Variants in SLC34A1 observed in about 807,000 individuals in gnomAD.
The protein encoded by SLC34A1 is sodium-dependent phosphate transport protein 2A.
Under a neutral mutation model 51.4 loss-of-function variants are expected in SLC34A1, and 57 were observed. The ratio of observed to expected loss-of-function variants is 1.11; its 90% CI spans 0.90 to 1.38. The LOEUF (loss-of-function observed/expected upper bound fraction) is 1.38. SLC34A1 is among the 40% of genes most tolerant of loss of function. The probability of loss-of-function intolerance (pLI) is 0.00; values close to 1 mark genes in which losing one functional copy is unlikely to be tolerated. For missense variants in SLC34A1, 796 were observed against 835.6 expected (o/e 0.95, Z 0.58); for synonymous variants, 368 against 358.0 (o/e 1.03, Z -0.32).
intron 1 of SLC34A1, 23 bp from the exon 2 acceptor site, chr5:177,385,672 C>G: frequency 8.7e-7 from 1 of 1,148,080 alleles, no homozygotes; most frequent in Non-Finnish European, 1.3e-6. Flanking sequence ...ATGAGTGTCC[C>G]GGACACAGCT....
chr5:177,389,184 G>A (rs1190860449), intron 8 of SLC34A1, among the ~76,000 whole-genome samples: 2 of 152,120 alleles, frequency 1.3e-5, no homozygotes, highest in Non-Finnish European at 2.9e-5. Flanking sequence ...GAGGAAGCAG[G>A]CAATTAGCAC....
chr5:177,387,255 C>T (rs1001009549), intron 5 of SLC34A1, among the ~76,000 whole-genome samples: 6 of 151,912 alleles, frequency 3.9e-5, no homozygotes, highest in Admixed American at 2.0e-4. Context: ...ATTAGCCAGG[C>T]GTGGTGGCAG....
At position 177,388,345 on chromosome 5, in the gene SLC34A1, G is replaced by A. The variant is rs768061577; in HGVS notation, c.909G>A (p.Gln303=). The A allele has an allele frequency of 2.3e-5, 37 of 1,614,166 alleles. No individual in the cohort carries two copies. Among genetic ancestry groups the A allele is most frequent in the Non-Finnish European group, 3.1e-5 (37 of 1,180,036 alleles). ...DESLRNHSLI[Q]IWCHPDSLQA... ...CCCTGAGGAACCACAGTCTCATCCA[G>A]ATCTGGTGCCACCCAGACTCCTTAC... The change falls in exon 8 of 13, where the codon CAG becomes CAA. Residue 303 remains glutamine, a synonymous_variant. Transcript: ENST00000324417. The surrounding 1 kb of genome is among the most constrained non-coding windows in gnomAD (Gnocchi z 4.3).
chr5:177,386,091 G>A lies in SLC34A1; in HGVS notation c.214G>A (p.Glu72Lys). The change falls in exon 3 of 13, where the codon GAA (glutamate) becomes AAA (lysine). Residue 72 changes from glutamate to lysine, a missense_variant. By Grantham distance (56) the Glu-to-Lys change is moderately conservative. Coordinates refer to ENST00000324417, the MANE Select transcript of SLC34A1 (RefSeq NM_003052.5). This position sits in a 1 kb window ranked among gnomAD's most constrained non-coding sequence, Gnocchi z 4.8. Reference sequence around the variant, plus strand: ...CTGTGGGGAGGTCCTGGAGCGCCATGAACCACTGCCTGCCAAGCTGGCCCT... The same window carrying A: ...CTGTGGGGAGGTCCTGGAGCGCCATAAACCACTGCCTGCCAAGCTGGCCCT... Reference protein sequence around the residue: ...CPCGEVLERHEPLPAKLALEE... With the variant: ...CPCGEVLERHKPLPAKLALEE... The A allele has an allele frequency of 1.2e-6, 2 of 1,613,224 alleles. No individual in the cohort carries two copies. Among genetic ancestry groups the A allele is most frequent in the Non-Finnish European group, 1.7e-6 (2 of 1,179,542 alleles).
chr5:177,395,332 T>G (rs1454089085), intron 10 of SLC34A1, among the ~76,000 whole-genome samples: 1 of 152,144 alleles, frequency 6.6e-6, no homozygotes, highest in Non-Finnish European at 1.5e-5. Flanking sequence ...GGCCGCTCAG[T>G]GCAGTTGGCA....
In SLC34A1 at chr5:177,388,160, A is replaced by G. The variant is rs1371612669; in HGVS notation, c.811A>G (p.Thr271Ala). 2 of 1,614,148 alleles carry G rather than the reference A, an allele frequency of 1.2e-6. No homozygotes were observed. The change falls in exon 7 of 13, where the codon ACA (threonine) becomes GCA (alanine). Residue 271 changes from threonine (T) to alanine (A), a missense_variant. Transcript: ENST00000324417. This position sits in a 1 kb window ranked among gnomAD's most constrained non-coding sequence, Gnocchi z 4.3. The stretch of plus-strand genomic sequence containing the variant: ...TGCTCCTGACCTGCTCAAGATCATC[A>G]CAGAGCCCTTCACGAAGCTCATCAT... Reference protein sequence around the residue: ...RDAPDLLKIITEPFTKLIIQL... With the variant: ...RDAPDLLKIIAEPFTKLIIQL...
chr5:177,386,809 G>A lies in SLC34A1; in HGVS notation c.532+243G>A, dbSNP rs949269936. 6.6e-6 allele frequency among the ~76,000 whole-genome samples: 1 copy of A among 152,142 alleles called. No homozygotes were observed. The highest frequency in any genetic ancestry group is 6.5e-5 in the Admixed American group (1 of 15,272). ...TCAGGAATCCGTAGGCCAGGGCATT[G>A]GAAGGGCAGGCGGGAACTCTCAGGT... On this transcript the variant is annotated intron_variant, in intron 5 of 12. Coordinates refer to ENST00000324417, the MANE Select transcript of SLC34A1 (RefSeq NM_003052.5). This position sits in a 1 kb window ranked among gnomAD's most constrained non-coding sequence, Gnocchi z 4.8.
rs570345073 is a variant in SLC34A1 at position 177,385,822 on chromosome 5, G to A, written c.81G>A (p.Thr27=). The A allele has an allele frequency of 2.5e-5, 40 of 1,613,482 alleles. 1 individual carries two copies. The highest frequency in any genetic ancestry group is 1.3e-4 in the South Asian group (12 of 90,928). The change falls in exon 2 of 13, where the codon ACG becomes ACA. Residue 27 remains threonine, a synonymous_variant. Transcript: ENST00000324417. ...PVRGGHVMRG[T]AFAYVPSPQV... is the part of the protein sequence containing the mutation. ...GTGGGGGGCATGTGATGCGAGGGACGGCCTTTGCCTACGTGCCCAGCCCTC... is the reference window on the plus strand; with the variant it reads ...GTGGGGGGCATGTGATGCGAGGGACAGCCTTTGCCTACGTGCCCAGCCCTC...
rs370524946 is a variant in SLC34A1, at chr5:177,386,160, G to A, written c.259+24G>A. On this transcript the variant is annotated intron_variant, in intron 3 of 12. Transcript: ENST00000324417. The surrounding 1 kb of genome is among the most constrained non-coding windows in gnomAD (Gnocchi z 4.8). ...AGGTGGGCCTGGGCTGGGGGTGGCA[G>A]AGGCGGCAGCAGTCCCTGCCCTGGC... The A allele has an allele frequency of 1.9e-6, 3 of 1,613,530 alleles. No individual in the cohort carries two copies. The highest frequency in any genetic ancestry group is 3.3e-5 in the Admixed American group (2 of 60,006).
rs558653396 is a variant in SLC34A1 at position 177,391,065 on chromosome 5, A to G, written c.937-2629A>G. Among the ~76,000 whole-genome samples the G allele has an allele frequency of 1.9e-4, 29 of 152,186 alleles. No homozygotes were observed. The South Asian group carries it at 4.8e-3, about 25-fold the overall frequency. ...CCATTCTGTTCTTCCCACAGAGCCC[A>G]CCACCCGCTTCAGGCCCCTCCAGCC... On this transcript the variant is annotated intron_variant, in intron 8 of 12. Transcript: ENST00000324417.
At chr5:177,389,581 G>A (rs1450795131) in intron 8 of SLC34A1, 12 of 1,534,790 alleles carry the variant, frequency 7.8e-6, no homozygotes, top group African/African-American at 1.4e-5. Context: ...ACTTTCTCAC[G>A]AGCTCTCTGA....
chr5:177,393,311 G>A (rs1368831518), intron 8 of SLC34A1, among the ~76,000 whole-genome samples: 3 of 152,146 alleles, frequency 2.0e-5, no homozygotes, highest in African/African-American at 7.2e-5. Context: ...GGATGCTGGG[G>A]AAGGGGCACC....
In SLC34A1 at chr5:177,387,836, G is replaced by A. The variant is rs757153323; in HGVS notation, c.607G>A (p.Ala203Thr). The A allele has an allele frequency of 2.5e-6, 4 of 1,612,418 alleles. No homozygotes were observed. In the Admixed American group the frequency reaches 5.0e-5, roughly 20 times the overall value. Reference protein sequence around the residue: ...IGTSVTNTIVALMQAGDRTDF... With the variant: ...IGTSVTNTIVTLMQAGDRTDF... Reference sequence around the variant, plus strand: ...CACCTCTGTCACCAACACCATCGTGGCCCTGATGCAGGCGGGGGACAGGAC... The same window carrying A: ...CACCTCTGTCACCAACACCATCGTGACCCTGATGCAGGCGGGGGACAGGAC... The change falls in exon 6 of 13, where the codon GCC becomes ACC. Residue 203 changes from alanine to threonine, a missense_variant. Ala to Thr is a moderately conservative substitution (Grantham distance 58). Transcript: ENST00000324417.
At chr5:177,387,934 AC>A (rs1187857218) in intron 6 of SLC34A1, 59 bp from the exon 7 acceptor site, 13 of 1,608,448 alleles carry the variant, frequency 8.1e-6, no homozygotes, top group Admixed American at 5.0e-5. Context: ...GATGCCAGGA[AC>A]CCCAGGCGTG....
chr5:177,389,987 T>G, intron 8 of SLC34A1: 24 of 1,371,400 alleles, frequency 1.8e-5, no homozygotes, highest in Non-Finnish European at 2.3e-5. Context: ...GCTCTCACTT[T>G]CATCCCCTTT....
At chr5:177,393,928 C>G in intron 9 of SLC34A1, 100 bp from the exon 10 acceptor site, 1 of 1,546,696 alleles carries the variant, frequency 6.5e-7, no homozygotes, top group Admixed American at 1.7e-5. Context: ...GCTCAAGGAG[C>G]CTGAGATGGG....
rs1763043683 is a variant in SLC34A1, at chr5:177,398,454, C to T, written c.*168C>T. On this transcript the variant is annotated 3_prime_UTR_variant, in exon 13 of 13. Transcript: ENST00000324417. The surrounding 1 kb of genome is among the most constrained non-coding windows in gnomAD (Gnocchi z 4.7). ...TTGTGTGAGAGTGTCGGTGTGTGTG[C>T]ATGTGTGGGGGTGAGTCTGCATGTG... 1 of 802,414 alleles carries T rather than the reference C, an allele frequency of 1.2e-6. No homozygotes were observed. Among genetic ancestry groups the T allele is most frequent in the Admixed American group, 1.8e-5 (1 of 54,118 alleles). 49.7% of individuals were successfully genotyped at this position (802,414 alleles called of 1,614,324 possible). A position where few individuals can be genotyped will look rare whatever the true frequency, so the allele number is the denominator to read the frequency against.
chr5:177,396,690 C>T lies in SLC34A1; in HGVS notation c.1175-43C>T, dbSNP rs376189720. 6.3e-7 allele frequency: 1 copy of T among 1,576,778 alleles called. No individual in the cohort carries two copies. The highest frequency in any genetic ancestry group is 8.7e-7 in the Non-Finnish European group (1 of 1,146,164). ...CCGCGGAGGTCTGCTCTCCCAATGT[C>T]CCCGCTCTGACCCCAGCCTGCTGGG... On this transcript the variant is annotated intron_variant, in intron 10 of 12. Transcript: ENST00000324417. This position sits in a 1 kb window ranked among gnomAD's most constrained non-coding sequence, Gnocchi z 4.0.
chr5:177,389,046 C>T (rs1266067107), intron 8 of SLC34A1, among the ~76,000 whole-genome samples: 1 of 152,082 alleles, frequency 6.6e-6, no homozygotes, highest in Non-Finnish European at 1.5e-5. Context: ...ATCGGGGGTT[C>T]CTTCTCCTGG....
Sources: gnomAD v4.1 joint callset for allele counts (sites outside exome capture counted in the v4.1 genomes callset) on GRCh38, gnomAD v4.1.1 for gene constraint, Gnocchi (gnomAD v3.1) non-coding constraint, MANE v1.5 for transcripts, NCBI Gene and HGNC (gene_info 2026-07-23, HGNC 2026-07-21) for gene names.